The following ANPEP variants were observed in gnomAD, a reference collection of about 807,000 sequenced individuals.
ANPEP encodes the protein alanyl aminopeptidase, membrane.
In ANPEP, 70 loss-of-function variants were observed where a neutral mutation model predicts 114.6. The ratio of observed to expected loss-of-function variants is 0.61; its 90% CI spans 0.50 to 0.75. ANPEP has a LOEUF of 0.75. Ranked by LOEUF, ANPEP falls within the 30% of genes least tolerant of loss-of-function variation. The pLI, the probability that ANPEP is intolerant of heterozygous loss-of-function variation, is 0.00. For synonymous variants in ANPEP, 548 were observed against 522.3 expected (o/e 1.05, Z -0.67); for missense variants, 1,184 against 1,259.5 (o/e 0.94, Z 0.91).
At position 89,805,480 on chromosome 15, in the gene ANPEP, G is replaced by A. The variant is rs137868198; in HGVS notation, c.615-17C>T. 27 of 1,613,320 alleles carry A rather than the reference G, an allele frequency of 1.7e-5. No homozygotes were observed. Among genetic ancestry groups the A allele is most frequent in the East Asian group, 1.3e-4 (6 of 44,872 alleles). ...GCCACCACCCTGCCCCAACAGGAAGGTTAGAGGGTGTGCCAGAGCTGGGGG... is the reference window on the plus strand; with the variant it reads ...GCCACCACCCTGCCCCAACAGGAAGATTAGAGGGTGTGCCAGAGCTGGGGG... On this transcript the variant is annotated splice_polypyrimidine_tract_variant and intron_variant, in intron 2 of 20. Transcript: ENST00000300060.
At position 89,791,060 on chromosome 15, in the gene ANPEP, G is replaced by A. The variant is rs776930737; in HGVS notation, c.2562C>T (p.Ile854=). 1.2e-6 allele frequency: 2 copies of A among 1,614,232 alleles called. No individual in the cohort carries two copies. Among genetic ancestry groups the A allele is most frequent in the South Asian group, 1.1e-5 (1 of 91,084 alleles). ...YLSYTLNPDL[I]RKQDATSTII... ...TGGTAGAGGTGGCGTCCTGCTTCCG[G>A]ATTAAGTCCGGGTTCAGGGTGTAGC... The change falls in exon 19 of 21, where the codon ATC becomes ATT. Residue 854 remains isoleucine (I), a synonymous_variant. Transcript: ENST00000300060.
At chr15:89,805,005 G>T in intron 4 of ANPEP, 73 bp downstream of exon 4, 1 of 1,598,270 alleles carries the variant, frequency 6.3e-7, no homozygotes, top group South Asian at 1.1e-5. Context: ...ACTGGCACAG[G>T]GATGAAGAGA....
chr15:89,786,106 A>G (rs1459182177), intron 20 of ANPEP, among the ~76,000 whole-genome samples: 2 of 152,248 alleles, frequency 1.3e-5, no homozygotes, highest in Non-Finnish European at 2.9e-5. Context: ...GTATTCCCAT[A>G]CATTAGCAAT....
rs1894703515 is a variant in ANPEP at position 89,805,995 on chromosome 15, C to T, written c.589G>A (p.Glu197Lys). Residue 197 changes from glutamate to lysine, a missense_variant, in exon 2 of 21, where the codon GAG becomes AAG. By Grantham distance (56) the Glu-to-Lys change is moderately conservative. Transcript: ENST00000300060. ...ADDLAGFYRS[E>K]YMEGNVRKVV... ...TTTCTGACATTGCCCTCCATGTACT[C>T]GCTGCGGTAGAAGCCCGCCAGGTCA... 2 of 1,599,630 alleles carry T rather than the reference C, an allele frequency of 1.3e-6. No homozygotes were observed. The highest frequency in any genetic ancestry group is 1.3e-5 in the African/African-American group (1 of 74,842).
chr15:89,805,309 G>A lies in ANPEP; in HGVS notation c.757+12C>T, dbSNP rs774128662. 1 of 1,613,420 alleles carries A rather than the reference G, an allele frequency of 6.2e-7. No individual in the cohort carries two copies. Among genetic ancestry groups the A allele is most frequent in the Non-Finnish European group, 8.5e-7 (1 of 1,179,472 alleles). On this transcript the variant is annotated intron_variant, in intron 3 of 20. Transcript: ENST00000300060. ...CCCCCTGGCCCTGTGGCCGCAGGCA[G>A]GGCCCACTCACCTTTGGGAAGCATG...
chr15:89,795,539 G>A (rs1968711964), intron 15 of ANPEP, among the ~76,000 whole-genome samples: 1 of 152,166 alleles, frequency 6.6e-6, no homozygotes, highest in Admixed American at 6.6e-5. Context: ...CAGAAGGGAG[G>A]AAAACTGGTC....
intron 12 of ANPEP, among the ~76,000 whole-genome samples, chr15:89,800,747 A>C (rs1242673158): frequency 1.3e-5 from 2 of 151,542 alleles, no homozygotes; most frequent in African/African-American, 4.9e-5. Context: ...TTTTAGTAGA[A>C]ATGGGGTTTC....
chr15:89,791,190 TCAA>T (rs2141790171), intron 18 of ANPEP, 97 bp from the exon 19 acceptor site: 2 of 1,394,782 alleles, frequency 1.4e-6, no homozygotes, highest in South Asian at 2.7e-5. Flanking sequence ...CTGCATCCTC[TCAA>T]CATCCCCTCG....
intron 10 of ANPEP, among the ~76,000 whole-genome samples, chr15:89,802,910 G>A (rs1214553684): frequency 2.0e-5 from 3 of 152,064 alleles, no homozygotes; most frequent in African/African-American, 7.2e-5. Context: ...AAGGTTGAAT[G>A]TCAGGCTCCA....
intron 1 of ANPEP, among the ~76,000 whole-genome samples, chr15:89,811,671 A>AAAAGAAAG (rs939632526): frequency 1.3e-5 from 2 of 151,834 alleles, no homozygotes; most frequent in African/African-American, 4.8e-5. Context: ...AAAAAAGAAA[A>AAAAGAAAG]AAAGAAAAAA....
chr15:89,786,712 T>C (rs1301510036), intron 20 of ANPEP, among the ~76,000 whole-genome samples: 1 of 149,354 alleles, frequency 6.7e-6, no homozygotes, highest in East Asian at 1.9e-4. Context: ...AAAAGCAAAT[T>C]GGAGGACTCA....
intron 15 of ANPEP, among the ~76,000 whole-genome samples, chr15:89,794,647 C>G (rs1216693625): frequency 1.1e-5 from 1 of 93,364 alleles, no homozygotes; most frequent in Non-Finnish European, 2.0e-5. Flanking sequence ...GGGCAGCACC[C>G]CTCACCACCC....
At chr15:89,788,944 A>G (rs1298834090) in intron 20 of ANPEP, among the ~76,000 whole-genome samples, 1 of 151,668 alleles carries the variant, frequency 6.6e-6, no homozygotes. Flanking sequence ...ACTGAAAACC[A>G]CTTAAAATGG....
In ANPEP at chr15:89,804,011, G is replaced by A. The variant is rs548528454; in HGVS notation, c.1180-9C>T. The A allele has an allele frequency of 2.5e-6, 4 of 1,613,490 alleles. No individual in the cohort carries two copies. Among genetic ancestry groups the A allele is most frequent in the Admixed American group, 3.3e-5 (2 of 60,016 alleles). The stretch of plus-strand genomic sequence containing the variant: ...ACCAGGTTCCCGAACCACTGTGGGG[G>A]GAGGGGTCAGCTGGGCAAGCCACGC... On this transcript the variant is annotated splice_polypyrimidine_tract_variant and intron_variant, in intron 6 of 20. Coordinates refer to ENST00000300060, the MANE Select transcript of ANPEP (RefSeq NM_001150.3).
chr15:89,808,055 A>T (rs1894753299), intron 1 of ANPEP, among the ~76,000 whole-genome samples: 1 of 152,176 alleles, frequency 6.6e-6, no homozygotes, highest in African/African-American at 2.4e-5. Context: ...ACTGCTAAAA[A>T]AAACCTTCCT....
chr15:89,793,244 A>T (rs972442799), intron 15 of ANPEP, 118 bp from the exon 16 acceptor site: 23 of 797,402 alleles, frequency 2.9e-5, no homozygotes, highest in Non-Finnish European at 4.5e-5. Context: ...TCAGGGCCTC[A>T]CCTGAGGCCA....
intron 1 of ANPEP, among the ~76,000 whole-genome samples, chr15:89,809,319 C>T (rs1400172421): frequency 6.6e-6 from 1 of 152,252 alleles, no homozygotes; most frequent in Non-Finnish European, 1.5e-5. Flanking sequence ...GAAAGACCCA[C>T]AAGTCGGCCT....
chr15:89,804,807 A>G (rs1734767287), intron 4 of ANPEP, 190 bp from the exon 5 acceptor site: 6 of 886,114 alleles, frequency 6.8e-6, no homozygotes, highest in South Asian at 1.7e-5. Context: ...GGTCCTAGAG[A>G]AGGGCCTTTG....
intron 6 of ANPEP, 73 bp from the exon 7 acceptor site, chr15:89,804,075 C>T: frequency 6.4e-7 from 1 of 1,572,764 alleles, no homozygotes; most frequent in Non-Finnish European, 8.7e-7. Context: ...CTACCCTCCC[C>T]AGGGCTGGCC....
Sources: gnomAD v4.1 joint callset for allele counts (sites outside exome capture counted in the v4.1 genomes callset) on GRCh38, gnomAD v4.1.1 for gene constraint, MANE v1.5 for transcripts, NCBI Gene and HGNC (gene_info 2026-07-23, HGNC 2026-07-21) for gene names.